NKX2-2: variants seen among roughly 807,000 people sequenced by gnomAD.
The protein encoded by NKX2-2 is homeobox protein Nkx-2.2.
A neutral mutation model predicts 24.6 loss-of-function variants in NKX2-2; 8 were observed. The observed-to-expected ratio is 0.32, with a 90% CI of 0.19 to 0.59. NKX2-2 has a LOEUF of 0.59. Ranked by LOEUF, NKX2-2 falls within the 20% of genes least tolerant of loss-of-function variation. The probability of loss-of-function intolerance (pLI) is 0.86; values close to 1 mark genes in which losing one functional copy is unlikely to be tolerated. For synonymous variants in NKX2-2, 217 were observed against 173.3 expected (o/e 1.25, Z -1.98); for missense variants, 381 against 373.9 (o/e 1.02, Z -0.16).
chr20:21,512,823 C>A (rs1462048242), intron 1 of NKX2-2, among the ~76,000 whole-genome samples: 1 of 152,176 alleles, frequency 6.6e-6, no homozygotes, highest in Non-Finnish European at 1.5e-5. Flanking sequence ...TCCGGCGAGA[C>A]GTGGGCAGAT....
the NKX2-2 span, among the ~76,000 whole-genome samples, chr20:21,520,284 G>A: frequency 6.6e-6 from 1 of 152,004 alleles, no homozygotes; most frequent in Non-Finnish European, 1.5e-5. Flanking sequence ...GGATGCAGGA[G>A]GAAGGCATCT....
In NKX2-2 at chr20:21,511,943, C is replaced by T. The variant is rs752234052; in HGVS notation, c.802G>A (p.Ala268Thr). 8 of 1,595,224 alleles carry T rather than the reference C, an allele frequency of 5.0e-6. No individual in the cohort carries two copies. Among genetic ancestry groups the T allele is most frequent in the East Asian group, 4.5e-5 (2 of 44,612 alleles). The change falls in exon 2 of 2, where the codon GCC becomes ACC. Residue 268 changes from alanine (A) to threonine (T), a missense_variant. Coordinates refer to ENST00000377142, the MANE Select transcript of NKX2-2 (RefSeq NM_002509.4). ...QYPTAHPLVQ[A>T]QQWTW ...GGCGCTCACCAAGTCCACTGCTGGG[C>T]CTGGACCAGGGGGTGTGCTGTCGGG...
At chr20:21,521,446 C>G in the NKX2-2 span, among the ~76,000 whole-genome samples, 1 of 152,098 alleles carries the variant, frequency 6.6e-6, no homozygotes, top group Non-Finnish European at 1.5e-5. Flanking sequence ...CACTCGCCTC[C>G]CAAACTCCAG....
the NKX2-2 span, among the ~76,000 whole-genome samples, chr20:21,521,943 A>AGGGGACCGCAGGC: frequency 1.3e-5 from 2 of 152,230 alleles, no homozygotes; most frequent in Admixed American, 6.5e-5. Flanking sequence ...GGCGGGGCTC[A>AGGGGACCGCAGGC]GGGGACCGCA....
chr20:21,517,591 C>G (rs1348025444), upstream of NKX2-2, among the ~76,000 whole-genome samples: 1 of 152,202 alleles, frequency 6.6e-6, no homozygotes, highest in Non-Finnish European at 1.5e-5. Context: ...AAATGCAAGT[C>G]CCCCAGGAGC....
Position 21,511,783 on chromosome 20 carries a change from G to T in NKX2-2, c.*140C>A. The T allele has an allele frequency of 1.5e-6, 1 of 648,334 alleles. No homozygotes were observed. Among genetic ancestry groups the T allele is most frequent in the Non-Finnish European group, 2.4e-6 (1 of 419,132 alleles). 40.2% of individuals were successfully genotyped at this position (648,334 alleles called of 1,614,324 possible). On this transcript the variant is annotated 3_prime_UTR_variant, in exon 2 of 2. Transcript: ENST00000377142. ...CAGGCAACCTCCCGGCGCCTCCCTA[G>T]TGGAGCCGAGAGTCAACTCGACTCC...
In NKX2-2 at chr20:21,512,253, G is replaced by A. The variant is rs958689269; in HGVS notation, c.492C>T (p.Leu164=). The change falls in exon 2 of 2, where the codon CTC becomes CTT. Residue 164 remains leucine (L), a synonymous_variant. Coordinates refer to ENST00000377142, the MANE Select transcript of NKX2-2 (RefSeq NM_002509.4). ...TGACCTGCGTGGGCGTGAGGCGGAT[G>A]AGGCTGGCCAGGTGTTCGCGCTCGG... is the stretch of plus-strand genomic sequence containing the variant. The part of the protein sequence containing the change: ...SAPEREHLAS[L]IRLTPTQVKI... 4.3e-6 allele frequency: 7 copies of A among 1,613,974 alleles called. No individual in the cohort carries two copies. The highest frequency in any genetic ancestry group is 1.7e-5 in the Admixed American group (1 of 60,030).
Position 21,513,982 on chromosome 20 carries a change from C to G in NKX2-2, c.-313G>C. On this transcript the variant is annotated 5_prime_UTR_variant, in exon 1 of 2. Coordinates refer to ENST00000377142, the MANE Select transcript of NKX2-2 (RefSeq NM_002509.4). The surrounding 1 kb of genome is among the most constrained non-coding windows in gnomAD (Gnocchi z 4.6). Reference sequence around the variant, plus strand: ...GGGCCCCGGCCTTAGTTTCTAACTCCAGGAGGGGTGCCAAGGCGGCGTCAG... The same window carrying G: ...GGGCCCCGGCCTTAGTTTCTAACTCGAGGAGGGGTGCCAAGGCGGCGTCAG... The G allele has an allele frequency of 5.2e-6, 1 of 193,572 alleles. No homozygotes were observed. 12.0% of individuals were successfully genotyped at this position (193,572 alleles called of 1,614,324 possible).
At chr20:21,515,575 C>G (rs1477741804), upstream of NKX2-2, among the ~76,000 whole-genome samples, 4 of 149,426 alleles carry the variant, frequency 2.7e-5, no homozygotes, top group African/African-American at 7.5e-5. Context: ...TTTGCCACCC[C>G]TTCTTCTAGT....
At chr20:21,522,640 G>T in the NKX2-2 span, among the ~76,000 whole-genome samples, 16 of 151,720 alleles carry the variant, frequency 1.1e-4, no homozygotes, top group Non-Finnish European at 2.1e-4. Context: ...CCCGAGTCGC[G>T]GGCGGCTGCG....
At chr20:21,517,321 C>T (rs1375049181), upstream of NKX2-2, among the ~76,000 whole-genome samples, 4 of 152,168 alleles carry the variant, frequency 2.6e-5, no homozygotes, top group Non-Finnish European at 4.4e-5. Flanking sequence ...TTTTATTTCC[C>T]CTGGCCTGGG....
the NKX2-2 span, among the ~76,000 whole-genome samples, chr20:21,519,919 G>A: frequency 6.6e-6 from 1 of 152,210 alleles, no homozygotes; most frequent in African/African-American, 2.4e-5. Context: ...GAGACTCACA[G>A]CCATTGGACA....
the NKX2-2 span, among the ~76,000 whole-genome samples, chr20:21,520,965 C>T: frequency 6.6e-6 from 1 of 152,132 alleles, no homozygotes. Context: ...ATCATTACCA[C>T]AAGACTTTGG....
upstream of NKX2-2, among the ~76,000 whole-genome samples, chr20:21,515,600 G>A (rs546989545): frequency 1.3e-5 from 2 of 151,892 alleles, no homozygotes; most frequent in South Asian, 2.1e-4. Context: ...ACTTTTTTGG[G>A]GGGGGGGTGC....
rs1221252908 is a variant in NKX2-2 at position 21,512,032 on chromosome 20, C to G, written c.713G>C (p.Ser238Thr). Reference sequence around the variant, plus strand: ...CTGCATGTGCTGCAGCGACTGCGCGCTGTAGGCAGAAAAGGGAATGCCCGC... The same window carrying G: ...CTGCATGTGCTGCAGCGACTGCGCGGTGTAGGCAGAAAAGGGAATGCCCGC... ...FQAGIPFSAY[S>T]AQSLQHMQYN... The change falls in exon 2 of 2, where the codon AGC becomes ACC. Residue 238 changes from serine to threonine, a missense_variant. Coordinates refer to ENST00000377142, the MANE Select transcript of NKX2-2 (RefSeq NM_002509.4). 6.2e-7 allele frequency: 1 copy of G among 1,613,554 alleles called. No individual in the cohort carries two copies. The highest frequency in any genetic ancestry group is 2.2e-5 in the East Asian group (1 of 44,874).
At position 21,513,793 on chromosome 20, in the gene NKX2-2, G is replaced by T. The variant is rs1283332699; in HGVS notation, c.-124C>A. 2.2e-6 allele frequency: 1 copy of T among 464,208 alleles called. No individual in the cohort carries two copies. Among genetic ancestry groups the T allele is most frequent in the Non-Finnish European group, 3.7e-6 (1 of 273,518 alleles). The allele number at this position is 464,208 out of a possible 1,614,324, so 28.8% of individuals were successfully genotyped here. On this transcript the variant is annotated 5_prime_UTR_variant, in exon 1 of 2. Transcript: ENST00000377142. The surrounding 1 kb of genome is among the most constrained non-coding windows in gnomAD (Gnocchi z 4.6). ...GGGAGGGACTGGGGGAGGGGAGGGG[G>T]GAATTGGCTTTAATTATTGGGATAA...
upstream of NKX2-2, among the ~76,000 whole-genome samples, chr20:21,514,206 G>GA (rs1980553214): frequency 6.6e-6 from 1 of 151,768 alleles, no homozygotes; most frequent in Non-Finnish European, 1.5e-5. Flanking sequence ...GAGAAGGGTG[G>GA]AAAAAAGGGG....
chr20:21,513,454 C>T lies in NKX2-2; in HGVS notation c.216G>A (p.Pro72=), dbSNP rs752976609. ...KNPFYDSSDN[P]YTRWLASTEG... is the part of the protein sequence containing the mutation. ...CGGTGCTGGCCAGCCAGCGCGTGTA[C>T]GGGTTGTCGCTGCTGTCGTAGAAGG... The change falls in exon 1 of 2, where the codon CCG becomes CCA. Residue 72 remains proline (P), a synonymous_variant. Coordinates refer to ENST00000377142, the MANE Select transcript of NKX2-2 (RefSeq NM_002509.4). This position sits in a 1 kb window ranked among gnomAD's most constrained non-coding sequence, Gnocchi z 4.6. The T allele has an allele frequency of 6.2e-7, 1 of 1,601,610 alleles. No homozygotes were observed.
In NKX2-2 at chr20:21,511,864, CG is replaced by C; in HGVS notation, c.*58del. The C allele has an allele frequency of 7.1e-7, 1 of 1,407,130 alleles. No homozygotes were observed. The highest frequency in any genetic ancestry group is 2.3e-5 in the East Asian group (1 of 43,358). The allele number at this position is 1,407,130 out of a possible 1,614,324, so 87.2% of individuals were successfully genotyped here. On this transcript the variant is annotated 3_prime_UTR_variant, in exon 2 of 2. Transcript: ENST00000377142. ...ACCATAAGGACCGAGGCCTCCTCGC[CG>C]CCACCGCCGCCGGGGTGGGGCCTGG...
Sources: allele counts gnomAD v4.1 joint callset (sites outside exome capture counted in the v4.1 genomes callset), GRCh38; gene constraint gnomAD v4.1.1; non-coding constraint Gnocchi (gnomAD v3.1); transcripts MANE v1.5; gene names NCBI Gene and HGNC (gene_info 2026-07-23, HGNC 2026-07-21).